FOCAD: variants seen among roughly 807,000 people sequenced by gnomAD.
FOCAD encodes KIAA1797.
FOCAD carries 198 observed loss-of-function variants against 225.6 expected under a neutral mutation model. The observed-to-expected ratio is 0.88, with a 90% CI of 0.78 to 0.99. The LOEUF is 0.99. FOCAD is among the 50% of genes least tolerant of loss of function. The pLI, the probability that FOCAD is intolerant of heterozygous loss-of-function variation, is 0.00. For synonymous variants in FOCAD, 897 were observed against 755.0 expected (o/e 1.19, Z -3.08); for missense variants, 2,713 against 2,123.6 (o/e 1.28, Z -5.46).
intron 4 of FOCAD, among the ~76,000 whole-genome samples, chr9:20,724,710 T>G (rs1826055035): frequency 6.6e-6 from 1 of 152,088 alleles, no homozygotes; most frequent in Non-Finnish European, 1.5e-5. Context: ...ATACGAAGAC[T>G]ATACTTTGTA....
At chr9:20,923,630 C>T (rs942681731) in intron 24 of FOCAD, 30 bp from the exon 25 acceptor site, 1 of 1,573,466 alleles carries the variant, frequency 6.4e-7, no homozygotes, top group Non-Finnish European at 8.7e-7. Context: ...TACCAAAGTT[C>T]TCTGTTGAAA....
At chr9:20,659,413 G>C (rs1323291556) in intron 2 of FOCAD, among the ~76,000 whole-genome samples, 1 of 30,232 alleles carries the variant, frequency 3.3e-5, no homozygotes, top group African/African-American at 1.4e-4. Flanking sequence ...TAAAAAAAAA[G>C]AGAAAGAAAG....
rs189271817 is a variant in FOCAD, at chr9:20,862,924, T to A, written c.2055+212T>A. On this transcript the variant is annotated intron_variant, in intron 16 of 43. Coordinates refer to ENST00000338382, the MANE Select transcript of FOCAD (RefSeq NM_001375567.1). The stretch of plus-strand genomic sequence containing the variant: ...CATAAAGGATACCAACTTTTAATTA[T>A]GAGAGTATTGTCAAGATTTTAAAGT... 678 of 376,276 alleles carry A rather than the reference T, an allele frequency of 1.8e-3. 4 individuals carry two copies. The highest frequency in any genetic ancestry group is 8.3e-3 in the Admixed American group (180 of 21,668). 23.3% of individuals were successfully genotyped at this position (376,276 alleles called of 1,614,324 possible). A position where few individuals can be genotyped will look rare whatever the true frequency, so the allele number is the denominator to read the frequency against.
intron 15 of FOCAD, 93 bp from the exon 16 acceptor site, chr9:20,862,485 A>G (rs1328923552): frequency 2.2e-6 from 3 of 1,389,644 alleles, no homozygotes; most frequent in Middle Eastern, 1.9e-4. Flanking sequence ...TTGTTTCTTA[A>G]GTTTCCTTAT....
chr9:20,892,924 C>G (rs924105071), intron 21 of FOCAD, among the ~76,000 whole-genome samples: 4 of 152,076 alleles, frequency 2.6e-5, no homozygotes, highest in African/African-American at 9.7e-5. Context: ...AGTTAGCAAC[C>G]ATCAACATCC....
intron 27 of FOCAD, 27 bp from the exon 28 acceptor site, chr9:20,932,987 C>T (rs1314330806): frequency 3.3e-6 from 5 of 1,526,910 alleles, no homozygotes; most frequent in Non-Finnish European, 4.5e-6. Flanking sequence ...TTAAATAATT[C>T]ATTGTTTCCC....
intron 18 of FOCAD, chr9:20,874,341 G>C: frequency 5.3e-6 from 1 of 188,432 alleles, no homozygotes; most frequent in Non-Finnish European, 1.1e-5. Flanking sequence ...TAAATATATT[G>C]AGTATGTCAG....
chr9:20,721,562 C>T (rs546026614), intron 4 of FOCAD, among the ~76,000 whole-genome samples: 3 of 151,948 alleles, frequency 2.0e-5, no homozygotes, highest in South Asian at 2.1e-4. Context: ...ATTAGCTGGG[C>T]GTGGTGATGC....
intron 2 of FOCAD, among the ~76,000 whole-genome samples, chr9:20,715,784 C>T (rs974316216): frequency 4.6e-5 from 7 of 151,886 alleles, no homozygotes; most frequent in African/African-American, 1.5e-4. Flanking sequence ...ACATATCCTA[C>T]CCCTTATATA....
chr9:20,960,861 G>A (rs1046113295), intron 35 of FOCAD, among the ~76,000 whole-genome samples: 2 of 151,384 alleles, frequency 1.3e-5, no homozygotes, highest in African/African-American at 2.4e-5. Flanking sequence ...TTTTGTTCTC[G>A]TGATAGTTTG....
intron 10 of FOCAD, among the ~76,000 whole-genome samples, chr9:20,787,999 C>G (rs1820106767): frequency 6.6e-6 from 1 of 152,124 alleles, no homozygotes; most frequent in East Asian, 1.9e-4. Flanking sequence ...ACACTTATAA[C>G]CTCAGAAAAA....
chr9:20,757,679 A>C (rs1162455867), intron 5 of FOCAD, among the ~76,000 whole-genome samples: 3 of 152,134 alleles, frequency 2.0e-5, no homozygotes, highest in Non-Finnish European at 2.9e-5. Flanking sequence ...AGGTTGGAGG[A>C]AATGGAACTT....
intron 15 of FOCAD, among the ~76,000 whole-genome samples, chr9:20,825,179 G>T (rs1824753409): frequency 6.7e-6 from 1 of 149,494 alleles, no homozygotes; most frequent in South Asian, 2.1e-4. Flanking sequence ...GTGTGTGTGT[G>T]TGTGTTCATT....
chr9:20,820,548 T>A (rs150206708), intron 13 of FOCAD, 123 bp downstream of exon 13: 8 of 724,364 alleles, frequency 1.1e-5, no homozygotes, highest in Non-Finnish European at 6.5e-6. Context: ...AGTGATTGCA[T>A]TGAAAAAGTT....
rs368766561 is a variant in FOCAD, at chr9:20,659,191, G to C, written c.-78+365G>C. On this transcript the variant is annotated intron_variant, in intron 2 of 45. Transcript: ENST00000380249. ...GCCAAGATGGCACCACTGCCCTCCA[G>C]CCTAGGGAACAGAGTGAGACTCTGC... Among the ~76,000 whole-genome samples, 18 of 152,164 alleles carry C rather than the reference G, an allele frequency of 1.2e-4. 1 individual carries two copies. In the East Asian group the frequency reaches 3.5e-3, roughly 29 times the overall value.
At chr9:20,798,330 A>T (rs10964708) in intron 11 of FOCAD, among the ~76,000 whole-genome samples, 2 of 151,528 alleles carry the variant, frequency 1.3e-5, no homozygotes, top group South Asian at 2.1e-4. Flanking sequence ...TGTCTCTGCC[A>T]GGCTTTGGTA....
intron 1 of FOCAD, among the ~76,000 whole-genome samples, chr9:20,705,368 C>G (rs548950569): frequency 2.6e-5 from 4 of 152,106 alleles, no homozygotes; most frequent in South Asian, 2.1e-4. Context: ...ACTGTGTATA[C>G]TTTGTACCAT....
intron 11 of FOCAD, among the ~76,000 whole-genome samples, chr9:20,793,228 C>G (rs1194853914): frequency 1.3e-5 from 2 of 152,158 alleles, no homozygotes; most frequent in Non-Finnish European, 2.9e-5. Flanking sequence ...AGCCTGCCAG[C>G]ATGAAGCAAT....
At chr9:20,993,157 GA>G in intron 42 of FOCAD, 95 bp from the exon 43 acceptor site, 1 of 1,003,426 alleles carries the variant, frequency 1.0e-6, no homozygotes. Context: ...GCTGAGGCAG[GA>G]AAATCACCTC....
Sources: gnomAD v4.1 joint callset for allele counts (sites outside exome capture counted in the v4.1 genomes callset) on GRCh38, gnomAD v4.1.1 for gene constraint, MANE v1.5 for transcripts, NCBI Gene and HGNC (gene_info 2026-07-23, HGNC 2026-07-21) for gene names.